DCC: variants seen among roughly 807,000 people sequenced by gnomAD.
DCC encodes netrin receptor DCC.
A neutral mutation model predicts 172.5 loss-of-function variants in DCC; 58 were observed. The ratio of observed to expected loss-of-function variants is 0.34; its 90% CI spans 0.27 to 0.42. DCC has a LOEUF of 0.42. Among genes scored for constraint, DCC ranks in the 10% least tolerant of loss-of-function variants. The pLI, the probability that DCC is intolerant of heterozygous loss-of-function variation, is 1.00. For synonymous variants in DCC, 709 were observed against 644.5 expected (o/e 1.10, Z -1.52); for missense variants, 1,740 against 1,791.0 (o/e 0.97, Z 0.51).
intron 5 of DCC, among the ~76,000 whole-genome samples, chr18:53,056,743 C>T (rs757337395): frequency 6.6e-6 from 1 of 152,036 alleles, no homozygotes; most frequent in South Asian, 2.1e-4. Context: ...CCACTGTTCT[C>T]AGGGCAGAAT....
chr18:53,531,773 T>G lies in DCC; in HGVS notation c.*1120T>G, dbSNP rs561221203. 6.6e-6 allele frequency: 1 copy of G among 152,302 alleles called. No individual in the cohort carries two copies. Among genetic ancestry groups the G allele is most frequent in the Admixed American group, 6.5e-5 (1 of 15,288 alleles). The allele number at this position is 152,302 out of a possible 1,614,324, so 9.4% of individuals were successfully genotyped here. A position where few individuals can be genotyped will look rare whatever the true frequency, so the allele number is the denominator to read the frequency against. On this transcript the variant is annotated 3_prime_UTR_variant, in exon 29 of 29. Coordinates refer to ENST00000442544, the MANE Select transcript of DCC (RefSeq NM_005215.4). ...GCCAACTCTGCCTACAGGGTCAGTG[T>G]TGGCAAGCATTGGCCACCAGACCCT...
intron 7 of DCC, among the ~76,000 whole-genome samples, chr18:53,130,523 C>A (rs533637186): frequency 3.9e-5 from 6 of 152,110 alleles, no homozygotes; most frequent in Non-Finnish European, 8.8e-5. Flanking sequence ...GTTAAGTTCT[C>A]CCCATGTGAT....
At chr18:53,117,009 A>G (rs1490867241) in intron 7 of DCC, among the ~76,000 whole-genome samples, 4 of 151,678 alleles carry the variant, frequency 2.6e-5, no homozygotes, top group African/African-American at 9.7e-5. Flanking sequence ...ACATTGAACT[A>G]TTTTTTAGAT....
At chr18:53,071,576 G>A (rs951939215) in intron 7 of DCC, among the ~76,000 whole-genome samples, 3 of 152,114 alleles carry the variant, frequency 2.0e-5, no homozygotes, top group African/African-American at 4.8e-5. Context: ...ATGAGACTTT[G>A]CATATATTAC....
At position 52,747,988 on chromosome 18, in the gene DCC, C is replaced by T. The variant is rs536425681; in HGVS notation, c.92-4066C>T. 4.5e-3 allele frequency among the ~76,000 whole-genome samples: 682 copies of T among 152,318 alleles called. 6 individuals carry two copies. Among genetic ancestry groups the T allele is most frequent in the African/African-American group, 0.016 (658 of 41,578 alleles). On this transcript the variant is annotated intron_variant, in intron 1 of 28. Transcript: ENST00000442544. ...TGGGCCTCACTGGGTTCCGAGCTGG[C>T]CGCTGAGCTGGTTCTGCCCACTCAG...
intron 7 of DCC, among the ~76,000 whole-genome samples, chr18:53,120,591 C>G (rs2043470004): frequency 6.6e-6 from 1 of 151,794 alleles, no homozygotes; most frequent in African/African-American, 2.4e-5. Flanking sequence ...AAAAATTGCT[C>G]TGCTAATAAG....
intron 5 of DCC, among the ~76,000 whole-genome samples, chr18:52,966,607 G>T (rs2040935093): frequency 6.6e-6 from 1 of 152,144 alleles, no homozygotes; most frequent in African/African-American, 2.4e-5. Context: ...GGGTTCAAAA[G>T]CAAGGATTCT....
At chr18:52,537,444 G>A (rs1313047679) in intron 1 of DCC, among the ~76,000 whole-genome samples, 1 of 152,162 alleles carries the variant, frequency 6.6e-6, no homozygotes, top group Non-Finnish European at 1.5e-5. Flanking sequence ...TTCAATGTTG[G>A]AAAGTAAACA....
At chr18:52,577,064 T>A (rs1598926495) in intron 1 of DCC, among the ~76,000 whole-genome samples, 1 of 152,332 alleles carries the variant, frequency 6.6e-6, no homozygotes. Flanking sequence ...AGTGCAGCTC[T>A]GAACATCTTC....
chr18:52,906,106 C>A lies in DCC; in HGVS notation c.475C>A (p.Leu159Ile). The A allele has an allele frequency of 1.2e-6, 2 of 1,613,198 alleles. No individual in the cohort carries two copies. Among genetic ancestry groups the A allele is most frequent in the Non-Finnish European group, 1.7e-6 (2 of 1,179,146 alleles). The change falls in exon 3 of 29, where the codon CTC (leucine) becomes ATC (isoleucine). Residue 159 changes from leucine to isoleucine, a missense_variant. Leu to Ile is a conservative substitution (Grantham distance 5). Transcript: ENST00000442544. Reference protein sequence around the residue: ...VTAFMGDTVLLKCEVIGEPMP... With the variant: ...VTAFMGDTVLIKCEVIGEPMP... The stretch of plus-strand genomic sequence containing the variant: ...AGCCTTCATGGGAGACACAGTGCTA[C>A]TCAAGTGTGAAGTCATTGGGGAGCC...
chr18:52,475,723 A>G (rs1989074052), intron 1 of DCC, among the ~76,000 whole-genome samples: 1 of 152,202 alleles, frequency 6.6e-6, no homozygotes, highest in Non-Finnish European at 1.5e-5. Context: ...GGAGAGAGTG[A>G]CCAATATTAA....
intron 1 of DCC, among the ~76,000 whole-genome samples, chr18:52,587,199 G>T (rs545568627): frequency 1.3e-5 from 2 of 152,312 alleles, no homozygotes; most frequent in South Asian, 2.1e-4. Flanking sequence ...CTCAGTGTTG[G>T]TCTCTGCTGC....
chr18:52,953,739 G>T (rs941616556), intron 5 of DCC, among the ~76,000 whole-genome samples: 19 of 152,184 alleles, frequency 1.2e-4, no homozygotes, highest in Non-Finnish European at 2.5e-4. Context: ...GCAGGAATTT[G>T]AATTGATTGA....
At chr18:52,864,720 TC>T (rs1240978010) in intron 2 of DCC, among the ~76,000 whole-genome samples, 2 of 151,978 alleles carry the variant, frequency 1.3e-5, no homozygotes, top group African/African-American at 4.8e-5. Flanking sequence ...TGTGTGTTGT[TC>T]CCCTCCGTGT....
chr18:53,341,431 C>G (rs971363423), intron 15 of DCC, among the ~76,000 whole-genome samples: 2 of 151,908 alleles, frequency 1.3e-5, no homozygotes, highest in African/African-American at 2.4e-5. Context: ...AAATGCTTAA[C>G]AAGAAAAACA....
chr18:52,384,430 G>A, intron 1 of DCC, among the ~76,000 whole-genome samples: 1 of 152,164 alleles, frequency 6.6e-6, no homozygotes, highest in East Asian at 1.9e-4. Context: ...TGTCAAACAC[G>A]ATGACATTGT....
intron 2 of DCC, among the ~76,000 whole-genome samples, chr18:52,882,144 TC>T (rs1207669783): frequency 1.3e-5 from 2 of 152,128 alleles, no homozygotes; most frequent in African/African-American, 2.4e-5. Flanking sequence ...TGATTTTATA[TC>T]CTGCAACTTT....
chr18:53,273,532 C>G (rs1007098833), intron 12 of DCC, among the ~76,000 whole-genome samples: 1 of 152,026 alleles, frequency 6.6e-6, no homozygotes, highest in African/African-American at 2.4e-5. Context: ...GTCCTTCGGT[C>G]AAGAAAATTA....
chr18:52,529,491 C>A (rs573646866), intron 1 of DCC, among the ~76,000 whole-genome samples: 1 of 152,274 alleles, frequency 6.6e-6, no homozygotes, highest in East Asian at 1.9e-4. Context: ...AGGGTTTCCC[C>A]GTGTTAGCCA....
Sources: gnomAD v4.1 joint callset for allele counts (sites outside exome capture counted in the v4.1 genomes callset) on GRCh38, gnomAD v4.1.1 for gene constraint, MANE v1.5 for transcripts, NCBI Gene and HGNC (gene_info 2026-07-23, HGNC 2026-07-21) for gene names.